NPAS3: variants seen among roughly 807,000 people sequenced by gnomAD.
The protein encoded by NPAS3 is neuronal PAS domain protein 3, also known as neuronal PAS domain-containing protein 3.
Under a neutral mutation model 73.1 loss-of-function variants are expected in NPAS3, and 14 were observed. That is an observed-to-expected ratio of 0.19 (90% confidence interval 0.13 to 0.30). The LOEUF (loss-of-function observed/expected upper bound fraction) is 0.30. Among genes scored for constraint, NPAS3 ranks in the 10% least tolerant of loss-of-function variants. NPAS3 has a pLI of 1.00. For synonymous variants in NPAS3, 620 were observed against 541.5 expected (o/e 1.14, Z -2.01); for missense variants, 1,096 against 1,250.0 (o/e 0.88, Z 1.86).
At chr14:32,982,836 G>A (rs2037952458) in intron 1 of NPAS3, among the ~76,000 whole-genome samples, 1 of 152,202 alleles carries the variant, frequency 6.6e-6, no homozygotes, top group Admixed American at 6.5e-5. Flanking sequence ...TCAGATGGTG[G>A]AGGCGGAGTT....
chr14:33,462,777 C>G (rs1422146123), intron 4 of NPAS3, among the ~76,000 whole-genome samples: 1 of 152,194 alleles, frequency 6.6e-6, no homozygotes, highest in Non-Finnish European at 1.5e-5. Context: ...AAACCTAGCT[C>G]TACACACCAC....
Position 33,736,291 on chromosome 14 carries a change from T to G in NPAS3, c.852+959T>G, listed in dbSNP as rs79562438. 2.8e-3 allele frequency among the ~76,000 whole-genome samples: 425 copies of G among 152,334 alleles called. 1 individual carries two copies. Among genetic ancestry groups the G allele is most frequent in the African/African-American group, 9.3e-3 (385 of 41,578 alleles). On this transcript the variant is annotated intron_variant, in intron 7 of 11. Coordinates refer to ENST00000356141, the Ensembl canonical transcript of NPAS3. The stretch of plus-strand genomic sequence containing the variant: ...AGCCATCAGGAGACTAGCAGCTGTA[T>G]AGAAGTCAGAGTCAGGCACTTTCTT...
intron 3 of NPAS3, among the ~76,000 whole-genome samples, chr14:33,227,951 TG>T (rs1398750588): frequency 6.6e-6 from 1 of 152,222 alleles, no homozygotes; most frequent in Non-Finnish European, 1.5e-5. Context: ...TTCAAATCTT[TG>T]GGACTGTGAA....
chr14:33,637,811 A>G (rs1183030063), intron 5 of NPAS3, among the ~76,000 whole-genome samples: 1 of 152,216 alleles, frequency 6.6e-6, no homozygotes, highest in Non-Finnish European at 1.5e-5. Flanking sequence ...ATTGCAAAGC[A>G]TGAAGAAAAC....
At chr14:33,509,602 G>T (rs2052940600) in intron 4 of NPAS3, among the ~76,000 whole-genome samples, 1 of 152,010 alleles carries the variant, frequency 6.6e-6, no homozygotes, top group African/African-American at 2.4e-5. Context: ...TGTGCATTAG[G>T]CTCAGTTAAG....
chr14:33,659,289 C>G lies in NPAS3; in HGVS notation c.559-16922C>G, dbSNP rs184677330. 2.9e-3 allele frequency among the ~76,000 whole-genome samples: 435 copies of G among 152,262 alleles called. 17 individuals carry two copies. The East Asian group carries it at 0.072, about 25-fold the overall frequency. On this transcript the variant is annotated intron_variant, in intron 5 of 11. Transcript: ENST00000356141. ...TCTTTACTTTATAACAGAGGAAACG[C>G]CAGAGTAACTTGCCCAAAGTGGGTA... is the stretch of plus-strand genomic sequence containing the variant.
intron 1 of NPAS3, among the ~76,000 whole-genome samples, chr14:33,053,727 A>G (rs1007465746): frequency 6.6e-6 from 1 of 152,216 alleles, no homozygotes; most frequent in Non-Finnish European, 1.5e-5. Context: ...TCTATGGTAC[A>G]CAAGATGTAA....
At chr14:33,681,883 T>G (rs1247260319) in intron 6 of NPAS3, among the ~76,000 whole-genome samples, 1 of 123,060 alleles carries the variant, frequency 8.1e-6, no homozygotes, top group East Asian at 2.6e-4. Flanking sequence ...GAAGGGTAAG[T>G]GACAAACAGT....
chr14:33,702,102 T>A (rs192839804), intron 6 of NPAS3, among the ~76,000 whole-genome samples: 6 of 152,356 alleles, frequency 3.9e-5, no homozygotes, highest in Admixed American at 3.9e-4. Context: ...TTTCAGTTCC[T>A]TTCAGAAGTA....
chr14:33,771,735 TGGG>T (rs2062659761), intron 7 of NPAS3, among the ~76,000 whole-genome samples: 1 of 151,676 alleles, frequency 6.6e-6, no homozygotes, highest in Non-Finnish European at 1.5e-5. Context: ...GGCGTGAACC[TGGG>T]ACGCAGAGCT....
At chr14:33,036,522 T>G (rs77875154) in intron 1 of NPAS3, among the ~76,000 whole-genome samples, 3,962 of 152,200 alleles carry the variant, frequency 0.026, 50 homozygotes, top group Non-Finnish European at 0.031. Context: ...ATTCCTGGAC[T>G]CCATAATTTT....
At chr14:33,579,466 G>A (rs2056576401) in intron 5 of NPAS3, among the ~76,000 whole-genome samples, 1 of 152,078 alleles carries the variant, frequency 6.6e-6, no homozygotes, top group African/African-American at 2.4e-5. Flanking sequence ...TGTAAAACAA[G>A]AATAATTATT....
intron 3 of NPAS3, among the ~76,000 whole-genome samples, chr14:33,359,456 C>A (rs966574438): frequency 6.6e-6 from 1 of 152,164 alleles, no homozygotes; most frequent in African/African-American, 2.4e-5. Context: ...ACTGACACTG[C>A]ACTATTTCAG....
intron 4 of NPAS3, among the ~76,000 whole-genome samples, chr14:33,393,721 T>C (rs569740828): frequency 6.6e-6 from 1 of 152,248 alleles, no homozygotes; most frequent in South Asian, 2.1e-4. Flanking sequence ...GGCTGTTGGC[T>C]CAGTTCATGA....
At chr14:33,057,454 A>G (rs758938218) in intron 2 of NPAS3, among the ~76,000 whole-genome samples, 29 of 152,258 alleles carry the variant, frequency 1.9e-4, no homozygotes, top group African/African-American at 7.0e-4. Flanking sequence ...TAAGGACCAA[A>G]TTAAAGCAGG....
At chr14:33,788,553 CCTT>C (rs1174372799) in intron 9 of NPAS3, among the ~76,000 whole-genome samples, 2 of 152,210 alleles carry the variant, frequency 1.3e-5, no homozygotes, top group Non-Finnish European at 2.9e-5. Context: ...TAGACTGCTT[CCTT>C]CTTCTTATGA....
chr14:33,365,009 A>T (rs1200695290), intron 3 of NPAS3, among the ~76,000 whole-genome samples: 3 of 130,072 alleles, frequency 2.3e-5, no homozygotes, highest in Non-Finnish European at 5.1e-5. Flanking sequence ...TTTTTGGGGG[A>T]GGGGGGAGGG....
At chr14:33,480,826 C>T (rs565809792) in intron 4 of NPAS3, among the ~76,000 whole-genome samples, 1 of 152,020 alleles carries the variant, frequency 6.6e-6, no homozygotes, top group East Asian at 1.9e-4. Flanking sequence ...CAGTTCATTT[C>T]TCTGCATTGA....
intron 2 of NPAS3, among the ~76,000 whole-genome samples, chr14:33,162,677 A>G (rs965982924): frequency 1.3e-5 from 2 of 152,054 alleles, no homozygotes; most frequent in Admixed American, 1.3e-4. Context: ...ACAAGCAAAA[A>G]AAAAAGTGGC....
Sources: allele counts gnomAD v4.1 joint callset (sites outside exome capture counted in the v4.1 genomes callset), GRCh38; gene constraint gnomAD v4.1.1; transcripts MANE v1.5; gene names NCBI Gene and HGNC (gene_info 2026-07-23, HGNC 2026-07-21).